ASAP1: variants seen among roughly 807,000 people sequenced by gnomAD.
ASAP1 encodes arf-GAP with SH3 domain, ANK repeat and PH domain-containing protein 1.
In ASAP1, 43 loss-of-function variants were observed where a neutral mutation model predicts 145.2. The ratio of observed to expected loss-of-function variants is 0.30; its 90% CI spans 0.23 to 0.38. The LOEUF (loss-of-function observed/expected upper bound fraction) is 0.38. Among genes scored for constraint, ASAP1 ranks in the 10% least tolerant of loss-of-function variants. The probability of loss-of-function intolerance (pLI) is 1.00; values close to 1 mark genes in which losing one functional copy is unlikely to be tolerated. For synonymous variants in ASAP1, 546 were observed against 515.5 expected (o/e 1.06, Z -0.80); for missense variants, 1,018 against 1,355.3 (o/e 0.75, Z 3.91).
At chr8:130,437,356 A>G (rs1830348238) in intron 1 of ASAP1, among the ~76,000 whole-genome samples, 1 of 152,180 alleles carries the variant, frequency 6.6e-6, no homozygotes, top group South Asian at 2.1e-4. Context: ...CCTGCAAGAC[A>G]GCTGTAATAA....
chr8:130,127,857 T>C, intron 16 of ASAP1, 70 bp downstream of exon 16: 1 of 1,548,972 alleles, frequency 6.5e-7, no homozygotes, highest in Admixed American at 1.9e-5. Context: ...TTTCAATAAC[T>C]AGATCGTTTT....
intron 3 of ASAP1, among the ~76,000 whole-genome samples, chr8:130,353,168 A>C (rs1032819700): frequency 6.6e-6 from 1 of 152,068 alleles, no homozygotes; most frequent in Non-Finnish European, 1.5e-5. Flanking sequence ...TTATTTCTTT[A>C]TTTCTTAAAG....
chr8:130,360,428 A>G (rs1826656410), intron 2 of ASAP1, among the ~76,000 whole-genome samples: 2 of 152,194 alleles, frequency 1.3e-5, no homozygotes. Context: ...TGCTTTGTGC[A>G]CAGGAAAGCC....
At chr8:130,389,200 G>T (rs114632815) in intron 2 of ASAP1, among the ~76,000 whole-genome samples, 160 of 152,314 alleles carry the variant, frequency 1.1e-3, no homozygotes, top group African/African-American at 3.5e-3. Context: ...GTCTCAGGTA[G>T]AAGCTACTGT....
At chr8:130,255,349 G>T (rs1168541287) in intron 3 of ASAP1, among the ~76,000 whole-genome samples, 1 of 152,062 alleles carries the variant, frequency 6.6e-6, no homozygotes, top group Non-Finnish European at 1.5e-5. Flanking sequence ...TTTTTTGTTG[G>T]CTTCCTAACT....
chr8:130,167,511 T>C (rs1312565205), intron 11 of ASAP1, 25 bp downstream of exon 11: 4 of 1,585,494 alleles, frequency 2.5e-6, no homozygotes, highest in South Asian at 1.1e-5. Flanking sequence ...CTGTTAGCCC[T>C]GTTGTAAACA....
intron 20 of ASAP1, among the ~76,000 whole-genome samples, chr8:130,117,706 G>C (rs1438864977): frequency 1.3e-5 from 2 of 152,130 alleles, no homozygotes; most frequent in Non-Finnish European, 2.9e-5. Flanking sequence ...ATTAAATTTA[G>C]GAACAATGAA....
intron 3 of ASAP1, among the ~76,000 whole-genome samples, chr8:130,346,332 CG>C (rs1825701909): frequency 1.3e-5 from 2 of 152,288 alleles, no homozygotes; most frequent in African/African-American, 4.8e-5. Context: ...CATGGCCATC[CG>C]GTTGGTATTT....
At chr8:130,223,897 A>G (rs987790479) in intron 4 of ASAP1, among the ~76,000 whole-genome samples, 1 of 152,172 alleles carries the variant, frequency 6.6e-6, no homozygotes, top group East Asian at 1.9e-4. Context: ...AAAATCTTCC[A>G]GAGGATAGCT....
Position 130,180,829 on chromosome 8 carries a change from G to A in ASAP1, c.582C>T (p.Ile194=), listed in dbSNP as rs1261998469. Residue 194 remains isoleucine (I), a synonymous_variant, in exon 8 of 30, where the codon ATC becomes ATT. Coordinates refer to ENST00000518721, the MANE Select transcript of ASAP1 (RefSeq NM_018482.4). ...TCTCAGCTCCTGTTATCTCTGTGCG[G>A]ATCATCCCATGTTGTTTTGCGTGCT... ...KREHAKQHGM[I]RTEITGAEIA... The A allele has an allele frequency of 6.2e-7, 1 of 1,613,424 alleles. No homozygotes were observed. Among genetic ancestry groups the A allele is most frequent in the Admixed American group, 1.7e-5 (1 of 59,936 alleles).
chr8:130,061,859 C>T (rs1377983833), intron 27 of ASAP1, among the ~76,000 whole-genome samples: 1 of 152,150 alleles, frequency 6.6e-6, no homozygotes, highest in Admixed American at 6.5e-5. Context: ...TTTGTTGACC[C>T]ATTTCCATAG....
At chr8:130,218,917 T>C (rs1011870583) in intron 4 of ASAP1, among the ~76,000 whole-genome samples, 1 of 152,088 alleles carries the variant, frequency 6.6e-6, no homozygotes, top group Admixed American at 6.6e-5. Flanking sequence ...CTCACATATA[T>C]ATACATGTCT....
chr8:130,417,887 T>C (rs7386870), intron 1 of ASAP1, among the ~76,000 whole-genome samples: 73,658 of 152,108 alleles, frequency 0.48, 18,231 homozygotes, highest in East Asian at 0.58. Context: ...CTGGTGGTTC[T>C]AATAAAAGTC....
At chr8:130,260,556 C>G (rs1819831269) in intron 3 of ASAP1, among the ~76,000 whole-genome samples, 1 of 152,186 alleles carries the variant, frequency 6.6e-6, no homozygotes, top group South Asian at 2.1e-4. Flanking sequence ...GGGTTAGCAC[C>G]AGGACTAAAT....
intron 3 of ASAP1, among the ~76,000 whole-genome samples, chr8:130,320,274 G>T (rs1213771330): frequency 6.6e-6 from 1 of 152,140 alleles, no homozygotes; most frequent in East Asian, 1.9e-4. Context: ...AAATACAGAG[G>T]GCCAGGAACA....
intron 7 of ASAP1, among the ~76,000 whole-genome samples, chr8:130,182,545 A>G (rs571398813): frequency 6.6e-6 from 1 of 152,276 alleles, no homozygotes; most frequent in East Asian, 1.9e-4. Context: ...CACATCCTAA[A>G]ACTTGAAACC....
At chr8:130,434,341 GA>G (rs756596682) in intron 1 of ASAP1, among the ~76,000 whole-genome samples, 8 of 148,788 alleles carry the variant, frequency 5.4e-5, no homozygotes, top group South Asian at 4.3e-4. Flanking sequence ...TCTCAAAAAA[GA>G]AAAAAAAAAT....
intron 5 of ASAP1, among the ~76,000 whole-genome samples, chr8:130,209,892 C>A (rs1395349469): frequency 3.3e-5 from 5 of 151,998 alleles, no homozygotes; most frequent in African/African-American, 9.7e-5. Context: ...CTTATCACCT[C>A]GAGGTAAACA....
At chr8:130,303,860 C>T (rs1822825766) in intron 3 of ASAP1, among the ~76,000 whole-genome samples, 1 of 152,106 alleles carries the variant, frequency 6.6e-6, no homozygotes, top group Admixed American at 6.5e-5. Context: ...CATATCATCG[C>T]ACATTTGTCA....
Sources: allele counts gnomAD v4.1 joint callset (sites outside exome capture counted in the v4.1 genomes callset), GRCh38; gene constraint gnomAD v4.1.1; transcripts MANE v1.5; gene names NCBI Gene and HGNC (gene_info 2026-07-23, HGNC 2026-07-21).